Variants in AGBL4 observed in about 807,000 individuals in gnomAD.
The protein encoded by AGBL4 is AGBL carboxypeptidase 4.
Under a neutral mutation model 66.4 loss-of-function variants are expected in AGBL4, and 58 were observed. The observed-to-expected ratio is 0.87, with a 90% CI of 0.71 to 1.09. The LOEUF (loss-of-function observed/expected upper bound fraction) is 1.09, where lower values mean the gene tolerates loss of function less well. Among genes scored for constraint, AGBL4 ranks in the 50% least tolerant of loss-of-function variants. AGBL4 has a pLI of 0.00. For missense variants in AGBL4, 579 were observed against 631.0 expected (o/e 0.92, Z 0.88); for synonymous variants, 234 against 222.9 (o/e 1.05, Z -0.44).
At chr1:48,854,302 T>A (rs1358122514) in intron 6 of AGBL4, among the ~76,000 whole-genome samples, 1 of 152,198 alleles carries the variant, frequency 6.6e-6, no homozygotes, top group Non-Finnish European at 1.5e-5. Context: ...GCTCCTAGAC[T>A]CTGTGGTCTG....
chr1:49,708,856 G>A (rs189685229), intron 2 of AGBL4, among the ~76,000 whole-genome samples: 27 of 152,110 alleles, frequency 1.8e-4, no homozygotes, highest in East Asian at 5.8e-4. Context: ...CACTCTAGAC[G>A]CTGTTTGCCT....
intron 6 of AGBL4, among the ~76,000 whole-genome samples, chr1:48,818,885 G>A (rs1646248257): frequency 6.6e-6 from 1 of 152,222 alleles, no homozygotes; most frequent in Non-Finnish European, 1.5e-5. Context: ...GCAAGCAGAG[G>A]AAATGATTTG....
chr1:48,843,007 A>C (rs925521106), intron 6 of AGBL4, among the ~76,000 whole-genome samples: 3 of 152,168 alleles, frequency 2.0e-5, no homozygotes, highest in African/African-American at 4.8e-5. Context: ...GGTGGTTACC[A>C]GGAGCTGGGG....
intron 4 of AGBL4, among the ~76,000 whole-genome samples, chr1:49,231,351 C>T (rs923913997): frequency 2.6e-5 from 4 of 152,244 alleles, no homozygotes; most frequent in East Asian, 1.9e-4. Context: ...AATAATTAAG[C>T]GCAATACTTA....
chr1:49,995,295 T>C (rs746744043), intron 1 of AGBL4: 2 of 454,530 alleles, frequency 4.4e-6, no homozygotes, highest in South Asian at 3.1e-5. Context: ...GGAAATAAAC[T>C]CAGTGCTATT....
chr1:48,634,412 A>G, intron 9 of AGBL4, 81 bp downstream of exon 9: 1 of 1,176,102 alleles, frequency 8.5e-7, no homozygotes, highest in South Asian at 1.5e-5. Context: ...TGCAGCTTCT[A>G]GTGGACTTTC....
chr1:48,996,837 TCC>T (rs1661044222), intron 5 of AGBL4, among the ~76,000 whole-genome samples: 1 of 151,632 alleles, frequency 6.6e-6, no homozygotes, highest in Non-Finnish European at 1.5e-5. Flanking sequence ...CTTCCTTCCT[TCC>T]TTCCTTCCTT....
At chr1:48,607,435 T>C (rs1365129576) in intron 9 of AGBL4, among the ~76,000 whole-genome samples, 1 of 152,060 alleles carries the variant, frequency 6.6e-6, no homozygotes, top group Non-Finnish European at 1.5e-5. Context: ...CTGCCCATCA[T>C]GATGAAATCC....
rs551161345 is a variant in AGBL4, at chr1:48,695,983, A to G, written c.635-32742T>C. 3.3e-5 allele frequency among the ~76,000 whole-genome samples: 5 copies of G among 151,946 alleles called. No individual in the cohort carries two copies. The South Asian group carries it at 1.0e-3, about 32-fold the overall frequency. ...GCGCCACCTGGATTCATCTTTAAACATCTCTGGTTGAAGGGCCTTCTCATT... is the reference window on the plus strand; with the variant it reads ...GCGCCACCTGGATTCATCTTTAAACGTCTCTGGTTGAAGGGCCTTCTCATT... On this transcript the variant is annotated intron_variant, in intron 6 of 13. Transcript: ENST00000371839.
At chr1:49,326,612 T>C (rs1052342773) in intron 3 of AGBL4, among the ~76,000 whole-genome samples, 3 of 151,908 alleles carry the variant, frequency 2.0e-5, no homozygotes, top group East Asian at 1.9e-4. Context: ...AAAGAAAGAA[T>C]GAGAGAAGGA....
chr1:49,844,755 C>T (rs1436409050), intron 2 of AGBL4: 2 of 1,592,618 alleles, frequency 1.3e-6, no homozygotes, highest in African/African-American at 2.7e-5. Flanking sequence ...AAGAAATATC[C>T]AACAATGTCA....
At chr1:48,823,501 G>C (rs1456796641) in intron 6 of AGBL4, among the ~76,000 whole-genome samples, 1 of 152,120 alleles carries the variant, frequency 6.6e-6, no homozygotes, top group East Asian at 1.9e-4. Flanking sequence ...TTTTCCCAAG[G>C]CCTCTGTTTA....
chr1:49,261,172 G>A (rs906583749), intron 3 of AGBL4, among the ~76,000 whole-genome samples: 2 of 151,606 alleles, frequency 1.3e-5, no homozygotes, highest in Non-Finnish European at 2.9e-5. Context: ...AATAATAAGA[G>A]CTATCTATGA....
intron 11 of AGBL4, among the ~76,000 whole-genome samples, chr1:48,564,217 C>T (rs144441795): frequency 3.3e-5 from 5 of 152,230 alleles, no homozygotes; most frequent in East Asian, 1.9e-4. Flanking sequence ...CTATCCAATC[C>T]GTTCTTATCA....
intron 3 of AGBL4, among the ~76,000 whole-genome samples, chr1:49,336,749 C>G (rs897570928): frequency 6.6e-6 from 1 of 152,142 alleles, no homozygotes; most frequent in African/African-American, 2.4e-5. Flanking sequence ...TCATCTTCTT[C>G]TATTAGAAAG....
At chr1:49,631,374 T>A (rs769843398) in intron 3 of AGBL4, among the ~76,000 whole-genome samples, 7 of 152,174 alleles carry the variant, frequency 4.6e-5, no homozygotes, top group Admixed American at 6.5e-5. Context: ...AATTGCTTTT[T>A]GATTGACCTC....
chr1:49,531,814 G>A (rs116676286), intron 3 of AGBL4, among the ~76,000 whole-genome samples: 2,195 of 152,126 alleles, frequency 0.014, 29 homozygotes, highest in Non-Finnish European at 0.022. Context: ...TACTATTGAT[G>A]ACTATCCATC....
intron 4 of AGBL4, among the ~76,000 whole-genome samples, chr1:49,055,831 G>A (rs1247029514): frequency 6.6e-6 from 1 of 151,778 alleles, no homozygotes; most frequent in African/African-American, 2.4e-5. Context: ...TAATTATTTT[G>A]TAACTCTACT....
At chr1:49,731,163 A>T (rs1649415506) in intron 2 of AGBL4, among the ~76,000 whole-genome samples, 1 of 152,184 alleles carries the variant, frequency 6.6e-6, no homozygotes, top group African/African-American at 2.4e-5. Flanking sequence ...TCTACTGAAG[A>T]CCAAAGCTCC....
Sources: allele counts gnomAD v4.1 joint callset (sites outside exome capture counted in the v4.1 genomes callset), GRCh38; gene constraint gnomAD v4.1.1; transcripts MANE v1.5; gene names NCBI Gene and HGNC (gene_info 2026-07-23, HGNC 2026-07-21).